Variants in SMARCE1 observed in about 807,000 individuals in gnomAD.
SMARCE1 encodes SWI/SNF related BAF chromatin remodeling complex subunit E1.
A neutral mutation model predicts 54.9 loss-of-function variants in SMARCE1; 13 were observed. That is an observed-to-expected ratio of 0.24 (90% CI 0.15 to 0.38). The LOEUF (loss-of-function observed/expected upper bound fraction) is 0.38. Ranked by LOEUF, SMARCE1 falls within the 10% of genes least tolerant of loss-of-function variation. SMARCE1 has a pLI of 1.00. For synonymous variants in SMARCE1, 151 were observed against 175.3 expected, an observed-to-expected ratio of 0.86 and a Z score of 1.10; for missense variants, 295 against 523.8, an observed-to-expected ratio of 0.56 and a Z score of 4.26.
intron 4 of SMARCE1, among the ~76,000 whole-genome samples, chr17:40,638,376 G>A (rs911491557): frequency 3.9e-5 from 6 of 152,092 alleles, no homozygotes; most frequent in Non-Finnish European, 8.8e-5. Context: ...AAGGAAAGAT[G>A]TGATGTACAG....
rs1218960125 is a variant in SMARCE1 at position 40,627,771 on chromosome 17, C to T, written c.*1014G>A. The T allele has an allele frequency of 6.6e-6, 1 of 152,442 alleles. No individual in the cohort carries two copies. The highest frequency in any genetic ancestry group is 1.5e-5 in the Non-Finnish European group (1 of 68,038). The allele number at this position is 152,442 out of a possible 1,614,324, so 9.4% of individuals were successfully genotyped here. A position where few individuals can be genotyped will look rare whatever the true frequency, so the allele number is the denominator to read the frequency against. On this transcript the variant is annotated 3_prime_UTR_variant, in exon 11 of 11. Transcript: ENST00000348513. Reference sequence around the variant, plus strand: ...TAAGAAACATATACCATCAGATATACCACTATTCAGTAAAAATCTATTCTA... The same window carrying T: ...TAAGAAACATATACCATCAGATATATCACTATTCAGTAAAAATCTATTCTA...
chr17:40,629,890 C>T (rs960388243), intron 10 of SMARCE1: 35 of 353,218 alleles, frequency 9.9e-5, no homozygotes, highest in African/African-American at 7.1e-4. Flanking sequence ...ATGACCATTT[C>T]AAATGTTAAT....
At chr17:40,645,962 C>T (rs2037251738) in intron 1 of SMARCE1, 115 bp from the exon 2 acceptor site, 2 of 410,654 alleles carry the variant, frequency 4.9e-6, no homozygotes, top group Non-Finnish European at 4.4e-6. Flanking sequence ...AATTACTTCA[C>T]CTTAATTCCT....
chr17:40,630,683 A>C, intron 10 of SMARCE1, 31 bp downstream of exon 10: 1 of 1,573,640 alleles, frequency 6.4e-7, no homozygotes. Flanking sequence ...AAGTCTTGGC[A>C]CTGCCTCTGC....
rs1159471775 is a variant in SMARCE1, at chr17:40,642,314, G to A, written c.156+141C>T. On this transcript the variant is annotated intron_variant, in intron 4 of 10. Transcript: ENST00000348513. This position sits in a 1 kb window ranked among gnomAD's most constrained non-coding sequence, Gnocchi z 4.6. ...TTTTTTCAGTGTGAGATGCTACAAC[G>A]AATGTTGAAAATACTCAAAAAGCTA... 4 of 706,284 alleles carry A rather than the reference G, an allele frequency of 5.7e-6. No homozygotes were observed. The highest frequency in any genetic ancestry group is 3.5e-5 in the African/African-American group (2 of 56,532). 43.8% of individuals were successfully genotyped at this position (706,284 alleles called of 1,614,324 possible).
chr17:40,633,435 C>T (rs983099170), intron 7 of SMARCE1: 1 of 151,846 alleles, frequency 6.6e-6, no homozygotes, highest in African/African-American at 2.4e-5. Context: ...TTTCTTTAAA[C>T]TAACTCACTT....
intron 3 of SMARCE1, chr17:40,644,408 G>A (rs1456777460): frequency 6.6e-6 from 1 of 151,978 alleles, no homozygotes; most frequent in Non-Finnish European, 1.5e-5. Context: ...GAAGTACATG[G>A]TTAGCTCTTT....
chr17:40,645,816 GT>G lies in SMARCE1; in HGVS notation c.-15del. On this transcript the variant is annotated 5_prime_UTR_variant, in exon 2 of 11. Coordinates refer to ENST00000348513, the MANE Select transcript of SMARCE1 (RefSeq NM_003079.5). Reference sequence around the variant, plus strand: ...CTTACTTGACATTTTGGAAGATTAAGTTCTCAGTTCCTTAAGAATGAATCTG... The same window carrying G: ...CTTACTTGACATTTTGGAAGATTAAGTCTCAGTTCCTTAAGAATGAATCTG... 1 of 1,102,338 alleles carries G rather than the reference GT, an allele frequency of 9.1e-7. No individual in the cohort carries two copies. Among genetic ancestry groups the G allele is most frequent in the Non-Finnish European group, 1.2e-6 (1 of 812,938 alleles). 68.3% of individuals were successfully genotyped at this position (1,102,338 alleles called of 1,614,324 possible). A position where few individuals can be genotyped will look rare whatever the true frequency, so the allele number is the denominator to read the frequency against.
chr17:40,634,412 CGT>C (rs887950021), intron 7 of SMARCE1: 1 of 152,324 alleles, frequency 6.6e-6, no homozygotes, highest in African/African-American at 2.4e-5. Context: ...GGATTACAGG[CGT>C]GAGCCATGGC....
chr17:40,629,244 T>G, intron 10 of SMARCE1: 1 of 519,096 alleles, frequency 1.9e-6, no homozygotes, highest in Middle Eastern at 4.9e-4. Flanking sequence ...GATGAAAATT[T>G]AGCTTCTGAA....
At chr17:40,644,657 A>T (rs1187217245) in intron 3 of SMARCE1, 1 of 152,218 alleles carries the variant, frequency 6.6e-6, no homozygotes, top group African/African-American at 2.4e-5. Context: ...GATAAATGTA[A>T]CTAAAATATG....
chr17:40,629,579 T>C (rs2037069766), intron 10 of SMARCE1: 1 of 1,141,504 alleles, frequency 8.8e-7, no homozygotes, highest in Non-Finnish European at 1.1e-6. Flanking sequence ...CTGTAAGAAA[T>C]TAAAAGCATG....
intron 4 of SMARCE1, among the ~76,000 whole-genome samples, chr17:40,638,134 T>G (rs1013529714): frequency 6.6e-6 from 1 of 152,204 alleles, no homozygotes; most frequent in Non-Finnish European, 1.5e-5. Context: ...ATTTTATTTC[T>G]CTTAAGGTTC....
intron 10 of SMARCE1, 172 bp downstream of exon 10, chr17:40,630,542 T>C (rs987993008): frequency 1.1e-5 from 7 of 660,256 alleles, no homozygotes; most frequent in African/African-American, 1.8e-5. Context: ...TGATAAATAA[T>C]GTAAGCATTT....
rs201158885 is a variant in SMARCE1, at chr17:40,630,881, G to C, written c.860C>G (p.Ala287Gly). ...KVEVDMEKIAAEIAQAEEQAR... is the reference protein window; with the variant it reads ...KVEVDMEKIAGEIAQAEEQAR... ...CTGTTCCTCTGCCTGTGCAATCTCA[G>C]CTGCAATTTTCTCCATATCCACTTC... Residue 287 changes from alanine to glycine, a missense_variant, in exon 10 of 11, where the codon GCT becomes GGT. Ala to Gly is a moderately conservative substitution (Grantham distance 60). This residue lies in a region of SMARCE1 where 147 missense variants were observed against 161.4 expected (regional missense o/e 0.91). Coordinates refer to ENST00000348513, the MANE Select transcript of SMARCE1 (RefSeq NM_003079.5). 4.3e-6 allele frequency: 7 copies of C among 1,613,656 alleles called. No homozygotes were observed. In the Admixed American group the frequency reaches 8.3e-5, roughly 19 times the overall value.
At chr17:40,640,314 C>T (rs1208403501) in intron 4 of SMARCE1, among the ~76,000 whole-genome samples, 2 of 152,176 alleles carry the variant, frequency 1.3e-5, no homozygotes, top group Non-Finnish European at 2.9e-5. Context: ...GAAGAACTGA[C>T]TAGGAGTGAA....
At chr17:40,640,765 C>T (rs2037191495) in intron 4 of SMARCE1, 1 of 152,062 alleles carries the variant, frequency 6.6e-6, no homozygotes, top group African/African-American at 2.4e-5. Context: ...CACAAAGGAC[C>T]AAAACACCAA....
intron 4 of SMARCE1, among the ~76,000 whole-genome samples, chr17:40,638,070 A>C (rs1167825824): frequency 2.0e-5 from 3 of 152,198 alleles, no homozygotes; most frequent in Non-Finnish European, 4.4e-5. Context: ...AGGTTCAAAA[A>C]CAAAAACAAT....
intron 3 of SMARCE1, chr17:40,645,155 A>T (rs2037241591): frequency 4.0e-6 from 1 of 247,694 alleles, no homozygotes; most frequent in Admixed American, 5.4e-5. Context: ...TTTATTGTTT[A>T]ATATGAAAAT....
Sources: gnomAD v4.1 joint callset for allele counts (sites outside exome capture counted in the v4.1 genomes callset) on GRCh38, gnomAD v4.1.1 for gene constraint, gnomAD v4.1.1 regional missense constraint, Gnocchi (gnomAD v3.1) non-coding constraint, MANE v1.5 for transcripts, NCBI Gene and HGNC (gene_info 2026-07-23, HGNC 2026-07-21) for gene names.